Variants in HDX observed in about 807,000 individuals in gnomAD.
The protein encoded by HDX is chromosome X open reading frame 43.
A neutral mutation model predicts 45.2 loss-of-function variants in HDX; 19 were observed. The ratio of observed to expected loss-of-function variants is 0.42; its 90% CI spans 0.29 to 0.62. The LOEUF is 0.62. HDX is among the 20% of genes least tolerant of loss of function. The pLI is 0.20. For synonymous variants in HDX, 188 were observed against 172.8 expected, an observed-to-expected ratio of 1.09 and a Z score of -0.69; for missense variants, 532 against 493.9, an observed-to-expected ratio of 1.08 and a Z score of -0.73.
chrX:84,420,938 C>G (rs1043433128), intron 5 of HDX, among the ~76,000 whole-genome samples: 1 of 111,986 alleles, frequency 8.9e-6, no homozygotes, highest in Admixed American at 9.4e-5. Context: ...GTCCTTCAAA[C>G]ATGAGGGAGA....
chrX:84,472,319 GAAT>G (rs1602520781), intron 3 of HDX, among the ~76,000 whole-genome samples: 1 of 111,338 alleles, frequency 9.0e-6, no homozygotes, highest in African/African-American at 3.3e-5. Flanking sequence ...AAATGCAGTA[GAAT>G]AATATCCATT....
intron 5 of HDX, among the ~76,000 whole-genome samples, chrX:84,409,630 A>G (rs1268503209): frequency 1.0e-5 from 1 of 98,906 alleles, no homozygotes; most frequent in Admixed American, 1.1e-4. Context: ...AGGACAAAAA[A>G]CCAAACACCG....
At chrX:84,481,406 C>T (rs761865716) in intron 2 of HDX, among the ~76,000 whole-genome samples, 2 of 111,299 alleles carry the variant, frequency 1.8e-5, no homozygotes, top group African/African-American at 3.3e-5. Flanking sequence ...GTACAGGGGA[C>T]ACAATATTTA....
chrX:84,363,913 G>A (rs2037679663), intron 5 of HDX, among the ~76,000 whole-genome samples: 1 of 111,149 alleles, frequency 9.0e-6, no homozygotes, highest in Non-Finnish European at 1.9e-5. Context: ...TTAGTGAAAA[G>A]AGTAGTATTC....
Position 84,344,350 on chromosome X carries a change from T to C in HDX, c.1560A>G (p.Leu520=). ...DFSEQPESGS[L]SALTPGEEAG... is the part of the protein sequence containing the mutation. ...CTTCCTCTCCTGGTGTGAGTGCAGA[T>C]AAAGAACCAGACTCAGGCTGCTCAG... Residue 520 remains leucine, a synonymous_variant, in exon 7 of 11, where the codon TTA becomes TTG. Coordinates refer to ENST00000373177, the MANE Select transcript of HDX (RefSeq NM_001177479.2). 8.3e-7 allele frequency: 1 copy of C among 1,206,124 alleles called. No homozygotes were observed. Among genetic ancestry groups the C allele is most frequent in the Non-Finnish European group, 1.1e-6 (1 of 890,734 alleles).
intron 5 of HDX, among the ~76,000 whole-genome samples, chrX:84,433,852 TC>T (rs1345075701): frequency 9.0e-6 from 1 of 111,671 alleles, no homozygotes; most frequent in African/African-American, 3.2e-5. Flanking sequence ...TGTGTATCCT[TC>T]AATTCCTTTC....
chrX:84,376,312 G>A (rs191749387), intron 5 of HDX, among the ~76,000 whole-genome samples: 36 of 112,280 alleles, frequency 3.2e-4, no homozygotes, highest in African/African-American at 4.2e-4. Context: ...ATGACTAGCC[G>A]TGGGGACTAC....
chrX:84,374,314 C>T (rs886823321), intron 5 of HDX, among the ~76,000 whole-genome samples: 4 of 108,552 alleles, frequency 3.7e-5, no homozygotes, highest in East Asian at 2.9e-4. Context: ...GAATAAATAT[C>T]GTGAAAATGG....
chrX:84,474,840 C>T (rs73625991), intron 3 of HDX, among the ~76,000 whole-genome samples: 2,486 of 111,802 alleles, frequency 0.022, 50 homozygotes, highest in African/African-American at 0.07. Flanking sequence ...ATAAAGCAGA[C>T]CAAATGCCTG....
intron 5 of HDX, among the ~76,000 whole-genome samples, chrX:84,373,475 A>G (rs1358582169): frequency 9.0e-6 from 1 of 111,154 alleles, no homozygotes; most frequent in African/African-American, 3.3e-5. Context: ...ATTTTAGACC[A>G]ATATCCTTGA....
chrX:84,462,360 T>C (rs2040257120), intron 4 of HDX, among the ~76,000 whole-genome samples: 1 of 111,855 alleles, frequency 8.9e-6, no homozygotes, highest in Admixed American at 9.5e-5. Flanking sequence ...GATCCTGTCA[T>C]TTGACACAAC....
chrX:84,335,477 C>T (rs775049902), intron 8 of HDX, among the ~76,000 whole-genome samples: 2 of 111,227 alleles, frequency 1.8e-5, no homozygotes, highest in African/African-American at 6.5e-5. Context: ...GTGAGTCATC[C>T]CATGCCATGG....
At chrX:84,349,901 G>T (rs765185570) in intron 6 of HDX, among the ~76,000 whole-genome samples, 3 of 109,566 alleles carry the variant, frequency 2.7e-5, no homozygotes, top group South Asian at 7.8e-4. Context: ...AATAGACAAT[G>T]AAAACTCTAA....
rs373033872 is a variant in HDX at position 84,366,734 on chromosome X, C to T, written c.1306-5122G>A. ...CTTGACAAAAACAAGCAATGGGGAG[C>T]AACCCCATTAAACAAGCAACACCCT... On this transcript the variant is annotated intron_variant, in intron 5 of 10. Transcript: ENST00000373177. Among the ~76,000 whole-genome samples, 11 of 110,424 alleles carry T rather than the reference C, an allele frequency of 1.0e-4. No individual in the cohort carries two copies. In the East Asian group the frequency reaches 1.4e-3, roughly 14 times the overall value.
chrX:84,385,063 A>T (rs1205609514), intron 5 of HDX, among the ~76,000 whole-genome samples: 1 of 109,681 alleles, frequency 9.1e-6, no homozygotes, highest in Non-Finnish European at 1.9e-5. Flanking sequence ...TTCTTTGAAG[A>T]ATGATGTTCA....
intron 5 of HDX, among the ~76,000 whole-genome samples, chrX:84,395,797 T>A (rs941617821): frequency 9.8e-5 from 11 of 112,003 alleles, no homozygotes; most frequent in African/African-American, 3.6e-4. Flanking sequence ...CTGACTGGGT[T>A]ATTTCAAAAG....
intron 6 of HDX, among the ~76,000 whole-genome samples, chrX:84,349,609 G>GTATA (rs752855941): frequency 0.044 from 3,380 of 77,502 alleles, 170 homozygotes; most frequent in African/African-American, 0.13. Flanking sequence ...ATGTGTGTGT[G>GTATA]TATATATATA....
At chrX:84,375,914 C>G (rs1385112415) in intron 5 of HDX, among the ~76,000 whole-genome samples, 1 of 112,070 alleles carries the variant, frequency 8.9e-6, no homozygotes, top group Non-Finnish European at 1.9e-5. Context: ...ATAAAAAATA[C>G]AAATTGAAAA....
intron 1 of HDX, among the ~76,000 whole-genome samples, chrX:84,494,781 CT>C: frequency 9.0e-6 from 1 of 111,457 alleles, no homozygotes; most frequent in Non-Finnish European, 1.9e-5. Context: ...ATAGAGGTCT[CT>C]AAAAAATTAA....
Sources: gnomAD v4.1 joint callset for allele counts (sites outside exome capture counted in the v4.1 genomes callset) on GRCh38, gnomAD v4.1.1 for gene constraint, MANE v1.5 for transcripts, NCBI Gene and HGNC (gene_info 2026-07-23, HGNC 2026-07-21) for gene names.